Variants in ZNF326 observed in about 807,000 individuals in gnomAD.
ZNF326 encodes DBIRD complex subunit ZNF326.
Under a neutral mutation model 63.1 loss-of-function variants are expected in ZNF326, and 30 were observed. That is an observed-to-expected ratio of 0.48 (90% CI 0.36 to 0.64). The LOEUF (loss-of-function observed/expected upper bound fraction) is 0.64, where lower values mean the gene tolerates loss of function less well. Among genes scored for constraint, ZNF326 ranks in the 30% least tolerant of loss-of-function variants. The pLI is 0.00. For missense variants in ZNF326, 609 were observed against 720.3 expected (o/e 0.85, Z 1.77); for synonymous variants, 194 against 228.2 (o/e 0.85, Z 1.35).
intron 7 of ZNF326, among the ~76,000 whole-genome samples, chr1:90,013,694 A>G (rs1048739624): frequency 1.1e-4 from 17 of 152,230 alleles, no homozygotes; most frequent in African/African-American, 4.1e-4. Context: ...ACACAAAGCT[A>G]ATTATTATAC....
Position 90,017,471 on chromosome 1 carries a change from A to G in ZNF326, c.1074+7A>G. On this transcript the variant is annotated splice_region_variant and intron_variant, in intron 8 of 11. Coordinates refer to ENST00000340281, the MANE Select transcript of ZNF326 (RefSeq NM_182976.4). ...AGTTATGGAGTTTTTGCATGTGAGTAGCTGTTTTTGAAGTGAGAAGCATTT... is the reference window on the plus strand; with the variant it reads ...AGTTATGGAGTTTTTGCATGTGAGTGGCTGTTTTTGAAGTGAGAAGCATTT... 6.4e-7 allele frequency: 1 copy of G among 1,570,684 alleles called. No individual in the cohort carries two copies. Among genetic ancestry groups the G allele is most frequent in the South Asian group, 1.2e-5 (1 of 81,060 alleles).
At chr1:90,026,991 T>A (rs969625503) in intron 11 of ZNF326, among the ~76,000 whole-genome samples, 4 of 152,158 alleles carry the variant, frequency 2.6e-5, no homozygotes, top group Non-Finnish European at 5.9e-5. Flanking sequence ...CTCATATAAT[T>A]AAGCAAAATG....
At chr1:90,005,320 G>A (rs942466053) in intron 4 of ZNF326, 76 bp downstream of exon 4, 7 of 1,534,340 alleles carry the variant, frequency 4.6e-6, no homozygotes, top group Non-Finnish European at 5.2e-6. Flanking sequence ...GTACTCTTTA[G>A]GCATGTTATG....
In ZNF326 at chr1:90,005,935, C is replaced by T. The variant is rs1240240840; in HGVS notation, c.209+691C>T. ...TACTACTGTATAAAGCTTAAACCTACTTAAACAACTACAAGCTTTAAGGTT... is the reference window on the plus strand; with the variant it reads ...TACTACTGTATAAAGCTTAAACCTATTTAAACAACTACAAGCTTTAAGGTT... On this transcript the variant is annotated intron_variant, in intron 4 of 11. Coordinates refer to ENST00000340281, the MANE Select transcript of ZNF326 (RefSeq NM_182976.4). 6 of 985,278 alleles carry T rather than the reference C, an allele frequency of 6.1e-6. No homozygotes were observed. In the African/African-American group the frequency reaches 8.7e-5, roughly 14 times the overall value. The allele number at this position is 985,278 out of a possible 1,614,324, so 61.0% of individuals were successfully genotyped here.
chr1:90,021,950 A>G (rs1283183370), intron 10 of ZNF326, among the ~76,000 whole-genome samples: 3 of 152,146 alleles, frequency 2.0e-5, no homozygotes, highest in Admixed American at 2.0e-4. Context: ...GTGAAAATTA[A>G]TAGTTGGGGG....
intron 8 of ZNF326, 64 bp downstream of exon 8, chr1:90,017,528 T>C (rs1649561465): frequency 7.0e-7 from 1 of 1,420,330 alleles, no homozygotes; most frequent in East Asian, 2.5e-5. Flanking sequence ...ATTTCATTTT[T>C]CACTCTCCCC....
intron 10 of ZNF326, among the ~76,000 whole-genome samples, chr1:90,021,720 G>A (rs1423538017): frequency 6.6e-6 from 1 of 152,108 alleles, no homozygotes; most frequent in East Asian, 1.9e-4. Flanking sequence ...GTATTGAAGT[G>A]AACCTCATTT....
In ZNF326 at chr1:90,000,312, T is replaced by C. The variant is rs75858217; in HGVS notation, c.61+2158T>C. 9.6e-3 allele frequency among the ~76,000 whole-genome samples: 1,468 copies of C among 152,338 alleles called. 23 individuals are homozygous for C. Among genetic ancestry groups the C allele is most frequent in the African/African-American group, 0.033 (1,375 of 41,578 alleles). On this transcript the variant is annotated intron_variant, in intron 2 of 11. Transcript: ENST00000340281. ...GGAAAACATGGCAAGATACAGATTT[T>C]CCCCACACTATTTCTTGGAAGGAAA...
chr1:90,020,347 A>G (rs1481014919), intron 9 of ZNF326, among the ~76,000 whole-genome samples: 1 of 151,960 alleles, frequency 6.6e-6, no homozygotes, highest in East Asian at 1.9e-4. Context: ...ATATGTTTAT[A>G]CCTTCACCTG....
chr1:90,013,204 A>T lies in ZNF326; in HGVS notation c.893A>T (p.Glu298Val). ...ARREKQRRRR[E>V]KNSEKYGDGY... ...CGAGAGAAACAAAGGCGCAGAAGAG[A>T]AAAAAACAGTGAGAAATACGGAGAT... The change falls in exon 7 of 12, where the codon GAA becomes GTA. Residue 298 changes from glutamate to valine, a missense_variant. Glu to Val is a moderately radical substitution (Grantham distance 121). This residue lies in a region of ZNF326 where 399 missense variants were observed against 444.3 expected (regional missense o/e 0.90). Coordinates refer to ENST00000340281, the MANE Select transcript of ZNF326 (RefSeq NM_182976.4). The T allele has an allele frequency of 6.2e-7, 1 of 1,609,148 alleles. No individual in the cohort carries two copies. The highest frequency in any genetic ancestry group is 8.5e-7 in the Non-Finnish European group (1 of 1,177,486).
rs367697268 is a variant in ZNF326 at position 90,005,988 on chromosome 1, A to G, written c.209+744A>G. On this transcript the variant is annotated intron_variant, in intron 4 of 11. Coordinates refer to ENST00000340281, the MANE Select transcript of ZNF326 (RefSeq NM_182976.4). ...CCATATTTCAGGAGAAGGGGTGTCT[A>G]CTTTTTGAGGCACAAAGGTTCCTGC... The G allele has an allele frequency of 5.5e-5, 54 of 985,436 alleles. 1 individual carries two copies. Among genetic ancestry groups the G allele is most frequent in the East Asian group, 2.3e-4 (2 of 8,818 alleles). 61.0% of individuals were successfully genotyped at this position (985,436 alleles called of 1,614,324 possible). A position where few individuals can be genotyped will look rare whatever the true frequency, so the allele number is the denominator to read the frequency against.
chr1:90,030,567 A>G lies in ZNF326; in HGVS notation c.*2866A>G, dbSNP rs1452343592. ...CATCCTTCAGGTCACCTTAAATGTTAGAAAAGGGGAGTAGTTCTAAAATGT... is the reference window on the plus strand; with the variant it reads ...CATCCTTCAGGTCACCTTAAATGTTGGAAAAGGGGAGTAGTTCTAAAATGT... On this transcript the variant is annotated 3_prime_UTR_variant, in exon 12 of 12. Coordinates refer to ENST00000340281, the MANE Select transcript of ZNF326 (RefSeq NM_182976.4). 1 of 152,128 alleles carries G rather than the reference A, an allele frequency of 6.6e-6. No individual in the cohort carries two copies. Among genetic ancestry groups the G allele is most frequent in the East Asian group, 1.9e-4 (1 of 5,200 alleles). 9.4% of individuals were successfully genotyped at this position (152,128 alleles called of 1,614,324 possible). A position where few individuals can be genotyped will look rare whatever the true frequency, so the allele number is the denominator to read the frequency against.
Position 90,033,526 on chromosome 1 carries a change from TA to T in ZNF326, c.*5827del, listed in dbSNP as rs1282970730. On this transcript the variant is annotated 3_prime_UTR_variant, in exon 12 of 12. Coordinates refer to ENST00000340281, the MANE Select transcript of ZNF326 (RefSeq NM_182976.4). Reference sequence around the variant, plus strand: ...TCAAATATTTTAGAGGTTATTGTACTAATTTTAAAAATGCAAGTTGCTATAA... The same window carrying T: ...TCAAATATTTTAGAGGTTATTGTACTATTTTAAAAATGCAAGTTGCTATAA... 1 of 152,210 alleles carries T rather than the reference TA, an allele frequency of 6.6e-6. No individual in the cohort carries two copies. The highest frequency in any genetic ancestry group is 1.5e-5 in the Non-Finnish European group (1 of 68,026). The allele number at this position is 152,210 out of a possible 1,614,324, so 9.4% of individuals were successfully genotyped here. A position where few individuals can be genotyped will look rare whatever the true frequency, so the allele number is the denominator to read the frequency against.
At position 90,017,444 on chromosome 1, in the gene ZNF326, G is replaced by A. The variant is rs1373464600; in HGVS notation, c.1054G>A (p.Val352Ile). ...HIQKQTKFDKVVMEFLHECMV... is the reference protein window; with the variant it reads ...HIQKQTKFDKIVMEFLHECMV... ...ACAGAAACAAACTAAATTTGATAAA[G>A]TAGTTATGGAGTTTTTGCATGTGAG... The change falls in exon 8 of 12, where the codon GTA becomes ATA. Residue 352 changes from valine to isoleucine, a missense_variant. By Grantham distance (29) the Val-to-Ile change is conservative (BLOSUM62 3). Coordinates refer to ENST00000340281, the MANE Select transcript of ZNF326 (RefSeq NM_182976.4). The A allele has an allele frequency of 6.3e-7, 1 of 1,589,656 alleles. No homozygotes were observed. The highest frequency in any genetic ancestry group is 8.5e-7 in the Non-Finnish European group (1 of 1,173,276).
chr1:89,995,118 T>C lies in ZNF326; in HGVS notation c.-140T>C. 3 of 1,057,180 alleles carry C rather than the reference T, an allele frequency of 2.8e-6. No individual in the cohort carries two copies. The highest frequency in any genetic ancestry group is 4.0e-6 in the Non-Finnish European group (3 of 746,312). The allele number at this position is 1,057,180 out of a possible 1,614,324, so 65.5% of individuals were successfully genotyped here. Reference sequence around the variant, plus strand: ...GTCGGCCCCGCCTCCCCAGCCTCGCTGTGGCCTGCGGCTCCCGGGCTGGTA... The same window carrying C: ...GTCGGCCCCGCCTCCCCAGCCTCGCCGTGGCCTGCGGCTCCCGGGCTGGTA... On this transcript the variant is annotated 5_prime_UTR_variant, in exon 1 of 12. Coordinates refer to ENST00000340281, the MANE Select transcript of ZNF326 (RefSeq NM_182976.4).
chr1:89,998,832 TATC>T (rs1454473918), intron 2 of ZNF326, among the ~76,000 whole-genome samples: 1 of 152,208 alleles, frequency 6.6e-6, no homozygotes, highest in Non-Finnish European at 1.5e-5. Context: ...AGGCATTAAA[TATC>T]ATGATTGCCA....
intron 5 of ZNF326, among the ~76,000 whole-genome samples, chr1:90,009,694 A>G (rs967003542): frequency 6.6e-6 from 1 of 152,160 alleles, no homozygotes; most frequent in African/African-American, 2.4e-5. Context: ...TTTTAGTAAA[A>G]TAAAGATTTC....
At chr1:90,027,063 A>ATGTG (rs1222451861) in intron 11 of ZNF326, among the ~76,000 whole-genome samples, 2 of 106,318 alleles carry the variant, frequency 1.9e-5, no homozygotes, top group African/African-American at 3.6e-5. Context: ...TCATGTGTAT[A>ATGTG]TATGTGTGTG....
chr1:90,002,082 A>T (rs1183727060), intron 2 of ZNF326, among the ~76,000 whole-genome samples: 1 of 152,216 alleles, frequency 6.6e-6, no homozygotes, highest in Non-Finnish European at 1.5e-5. Context: ...AAGTGATTTT[A>T]AAATTCATTT....
Sources: allele counts gnomAD v4.1 joint callset (sites outside exome capture counted in the v4.1 genomes callset), GRCh38; gene constraint gnomAD v4.1.1; regional missense constraint gnomAD v4.1.1; transcripts MANE v1.5; gene names NCBI Gene and HGNC (gene_info 2026-07-23, HGNC 2026-07-21).